The following ASNS variants were observed in gnomAD, a reference collection of about 807,000 sequenced individuals.
The protein encoded by ASNS is asparagine synthetase [glutamine-hydrolyzing].
In ASNS, 37 loss-of-function variants were observed where a neutral mutation model predicts 62.6. The ratio of observed to expected loss-of-function variants is 0.59; its 90% CI spans 0.45 to 0.78. The LOEUF is 0.78. Among genes scored for constraint, ASNS ranks in the 30% least tolerant of loss-of-function variants. The pLI is 0.00. For synonymous variants in ASNS, 207 were observed against 237.9 expected, an observed-to-expected ratio of 0.87 and a Z score of 1.19; for missense variants, 520 against 682.4, an observed-to-expected ratio of 0.76 and a Z score of 2.65.
At chr7:97,858,018 T>C (rs558640749) in intron 7 of ASNS, among the ~76,000 whole-genome samples, 1 of 152,224 alleles carries the variant, frequency 6.6e-6, no homozygotes, top group African/African-American at 2.4e-5. Context: ...CCAGACACCT[T>C]TACTTTCAAA....
chr7:97,889,703 GCCAAT>G, the ASNS span, among the ~76,000 whole-genome samples: 1 of 151,524 alleles, frequency 6.6e-6, no homozygotes, highest in Non-Finnish European at 1.5e-5. Flanking sequence ...CCATATAAAA[GCCAAT>G]CCATAAAATT....
chr7:97,896,311 C>T, the ASNS span, among the ~76,000 whole-genome samples: 136 of 145,684 alleles, frequency 9.3e-4, no homozygotes, highest in African/African-American at 2.7e-3. Flanking sequence ...GCAAAGAGGC[C>T]GGGCGAGGTG....
chr7:97,900,879 T>C, the ASNS span, among the ~76,000 whole-genome samples: 13 of 152,022 alleles, frequency 8.6e-5, no homozygotes, highest in African/African-American at 3.1e-4. Flanking sequence ...AAAACCTAAC[T>C]CTTAAGAACT....
chr7:97,905,736 TGCCTTTATCATCCGTTC>T, the ASNS span, among the ~76,000 whole-genome samples: 2 of 152,226 alleles, frequency 1.3e-5, no homozygotes, highest in Admixed American at 6.5e-5. Flanking sequence ...ATTTGAGACC[TGCCTTTATCATCCGTTC>T]CCTTGGAACT....
intron 3 of ASNS, among the ~76,000 whole-genome samples, chr7:97,868,001 C>T (rs376413106): frequency 6.6e-6 from 1 of 152,092 alleles, no homozygotes; most frequent in Admixed American, 6.5e-5. Context: ...AATGCATGAA[C>T]CTTGAATGAA....
chr7:97,887,085 A>G, the ASNS span, among the ~76,000 whole-genome samples: 16 of 152,224 alleles, frequency 1.1e-4, no homozygotes, highest in African/African-American at 3.4e-4. Context: ...GCAAAATTCA[A>G]ATCTACAACT....
At chr7:97,911,104 CAAT>C in the ASNS span, among the ~76,000 whole-genome samples, 1 of 152,140 alleles carries the variant, frequency 6.6e-6, no homozygotes, top group African/African-American at 2.4e-5. Flanking sequence ...TTAGGTATGA[CAAT>C]GATCATATAA....
chr7:97,897,999 A>G, the ASNS span, among the ~76,000 whole-genome samples: 1 of 152,146 alleles, frequency 6.6e-6, no homozygotes, highest in African/African-American at 2.4e-5. Context: ...ATCATAGTTC[A>G]CTGCAGCCTC....
At chr7:97,853,026 C>T (rs748024456) in intron 12 of ASNS, 34 bp downstream of exon 12, 1 of 1,515,676 alleles carries the variant, frequency 6.6e-7, no homozygotes, top group Non-Finnish European at 8.8e-7. Context: ...TCCAAACTGT[C>T]TTATTCCTGA....
At chr7:97,907,413 G>A in the ASNS span, among the ~76,000 whole-genome samples, 1 of 152,186 alleles carries the variant, frequency 6.6e-6, no homozygotes, top group African/African-American at 2.4e-5. Flanking sequence ...GCCTCTTCAT[G>A]AAGAAACTAC....
the ASNS span, among the ~76,000 whole-genome samples, chr7:97,883,774 T>C: frequency 6.6e-6 from 1 of 150,864 alleles, no homozygotes. Context: ...GATCATGACG[T>C]TAGGAGATCC....
At position 97,855,392 on chromosome 7, in the gene ASNS, T is replaced by A; in HGVS notation, c.1098A>T (p.Gly366=). 1 of 1,612,890 alleles carries A rather than the reference T, an allele frequency of 6.2e-7. No homozygotes were observed. ...TDSVVIFSGE[G]SDELTQGYIY... is the part of the protein sequence containing the mutation. ...TGTAACCCTGCGTAAGTTCATCTGA[T>A]CCTTCTCCAGAGAAGATCACCACGC... is the stretch of plus-strand genomic sequence containing the variant. Residue 366 remains glycine (G), a synonymous_variant, in exon 9 of 13, where the codon GGA becomes GGT. Coordinates refer to ENST00000394308, the MANE Select transcript of ASNS (RefSeq NM_001673.5).
chr7:97,874,249 C>G (rs1792392176), upstream of ASNS, among the ~76,000 whole-genome samples: 1 of 152,210 alleles, frequency 6.6e-6, no homozygotes. Context: ...AAATATGGTT[C>G]TGTTCTGCCT....
At chr7:97,909,717 G>A in the ASNS span, among the ~76,000 whole-genome samples, 1 of 151,896 alleles carries the variant, frequency 6.6e-6, no homozygotes, top group African/African-American at 2.4e-5. Context: ...ATCAACTGAG[G>A]GTGACACAGA....
the ASNS span, among the ~76,000 whole-genome samples, chr7:97,884,441 C>T: frequency 2.0e-5 from 3 of 151,952 alleles, no homozygotes; most frequent in East Asian, 1.9e-4. Context: ...CCCAGCTACT[C>T]GGGAGACTGA....
At chr7:97,902,074 A>G in the ASNS span, among the ~76,000 whole-genome samples, 1 of 152,328 alleles carries the variant, frequency 6.6e-6, no homozygotes, top group Admixed American at 6.5e-5. Flanking sequence ...TGAGTCATCC[A>G]CAAGATTTCA....
At chr7:97,928,367 G>A in the ASNS span, 2 of 939,478 alleles carry the variant, frequency 2.1e-6, no homozygotes, top group Non-Finnish European at 3.1e-6. Context: ...CGGCGGAGCT[G>A]GGGCGTCTGA....
chr7:97,895,822 G>A, the ASNS span, among the ~76,000 whole-genome samples: 2 of 151,850 alleles, frequency 1.3e-5, no homozygotes, highest in African/African-American at 2.4e-5. Flanking sequence ...TTTTAAAAAC[G>A]GATGTATAAT....
chr7:97,909,079 G>A, the ASNS span: 2 of 152,142 alleles, frequency 1.3e-5, no homozygotes, highest in African/African-American at 4.8e-5. Flanking sequence ...ATATGTGTAT[G>A]AGGAATTCAG....
Sources: allele counts gnomAD v4.1 joint callset (sites outside exome capture counted in the v4.1 genomes callset), GRCh38; gene constraint gnomAD v4.1.1; transcripts MANE v1.5; gene names NCBI Gene and HGNC (gene_info 2026-07-23, HGNC 2026-07-21).